The following LMBR1 variants were observed in gnomAD, a reference collection of about 807,000 sequenced individuals.
LMBR1 encodes limb region 1 protein homolog.
A neutral mutation model predicts 73.9 loss-of-function variants in LMBR1; 52 were observed. The ratio of observed to expected loss-of-function variants is 0.70; its 90% CI spans 0.56 to 0.89. The LOEUF (loss-of-function observed/expected upper bound fraction) is 0.89. LMBR1 is among the 40% of genes least tolerant of loss of function. The pLI, the probability that LMBR1 is intolerant of heterozygous loss-of-function variation, is 0.00. For missense variants in LMBR1, 539 were observed against 579.8 expected, an observed-to-expected ratio of 0.93 and a Z score of 0.72; for synonymous variants, 215 against 209.4, an observed-to-expected ratio of 1.03 and a Z score of -0.23.
intron 1 of LMBR1, among the ~76,000 whole-genome samples, chr7:156,869,628 C>A (rs993172369): frequency 6.6e-6 from 1 of 151,948 alleles, no homozygotes; most frequent in Non-Finnish European, 1.5e-5. Context: ...TAACAAAAAA[C>A]AACAAAATGG....
intron 1 of LMBR1, among the ~76,000 whole-genome samples, chr7:156,852,012 T>C (rs540902710): frequency 5.9e-5 from 9 of 152,296 alleles, no homozygotes; most frequent in African/African-American, 1.9e-4. Context: ...TCCTCCACTT[T>C]TAGATAATTA....
chr7:156,854,289 G>A (rs1302936117), intron 1 of LMBR1, among the ~76,000 whole-genome samples: 2 of 152,238 alleles, frequency 1.3e-5, no homozygotes, highest in Admixed American at 6.5e-5. Context: ...AACTGTAATT[G>A]ATGAATTACT....
chr7:156,869,949 G>GA (rs1300430188), intron 1 of LMBR1, among the ~76,000 whole-genome samples: 2 of 151,604 alleles, frequency 1.3e-5, no homozygotes, highest in Non-Finnish European at 1.5e-5. Context: ...AGAAATAAAA[G>GA]AAAAAAACAA....
chr7:156,820,292 G>A (rs576414075), intron 4 of LMBR1, among the ~76,000 whole-genome samples: 4 of 152,256 alleles, frequency 2.6e-5, no homozygotes, highest in South Asian at 4.1e-4. Context: ...ACTAGAAGCA[G>A]TTTGCTTTCA....
At chr7:156,675,719 C>T, downstream of LMBR1, 1 of 1,607,166 alleles carries the variant, frequency 6.2e-7, no homozygotes, top group Non-Finnish European at 8.5e-7. Flanking sequence ...GCCACCGCAT[C>T]CTGTGCTCAT....
chr7:156,769,178 C>T (rs1824710056), intron 5 of LMBR1, among the ~76,000 whole-genome samples: 1 of 152,086 alleles, frequency 6.6e-6, no homozygotes, highest in Non-Finnish European at 1.5e-5. Context: ...AAAAAGTCAC[C>T]TGATGCCAGG....
intron 3 of LMBR1, 129 bp downstream of exon 3, chr7:156,833,624 A>T (rs1476071559): frequency 1.5e-6 from 1 of 658,842 alleles, no homozygotes; most frequent in Non-Finnish European, 2.6e-6. Context: ...TTCTAAAATT[A>T]ATATGATAAA....
At chr7:156,745,708 A>G (rs1819725515) in intron 9 of LMBR1, among the ~76,000 whole-genome samples, 1 of 152,214 alleles carries the variant, frequency 6.6e-6, no homozygotes, top group African/African-American at 2.4e-5. Flanking sequence ...GGGAATCACA[A>G]AATTCCAGTC....
At position 156,688,075 on chromosome 7, in the gene LMBR1, G is replaced by C; in HGVS notation, c.1342C>G (p.Arg448Gly). 5 of 1,610,988 alleles carry C rather than the reference G, an allele frequency of 3.1e-6. No individual in the cohort carries two copies. The highest frequency in any genetic ancestry group is 4.2e-6 in the Non-Finnish European group (5 of 1,178,906). Residue 448 changes from arginine (R) to glycine (G), a missense_variant, in exon 16 of 17, where the codon CGA becomes GGA. Arg to Gly is a moderately radical substitution (Grantham distance 125, BLOSUM62 -2). Around this residue, in one of 3 missense-constraint regions of LMBR1, gnomAD observed 69 missense variants for 68.5 expected, o/e 1.01. Coordinates refer to ENST00000353442, the MANE Select transcript of LMBR1 (RefSeq NM_022458.4). ...FAIVTTLCLV[R>G]KFTSAVREEL... ...TCTCGAACTGCAGAGGTGAATTTTCGGACCAGACACAATGTTGTCACAATA... is the reference window on the plus strand; with the variant it reads ...TCTCGAACTGCAGAGGTGAATTTTCCGACCAGACACAATGTTGTCACAATA...
intron 4 of LMBR1, among the ~76,000 whole-genome samples, chr7:156,804,302 C>T (rs765242910): frequency 7.2e-5 from 11 of 152,150 alleles, no homozygotes; most frequent in Non-Finnish European, 1.5e-5. Context: ...CACCTGCAAA[C>T]AATCTATGTT....
intron 15 of LMBR1, among the ~76,000 whole-genome samples, chr7:156,705,844 CAA>C (rs1810807963): frequency 6.6e-6 from 1 of 151,958 alleles, no homozygotes; most frequent in Admixed American, 6.6e-5. Flanking sequence ...CACCAAACCA[CAA>C]AGAGAAATAG....
chr7:156,788,129 T>C (rs1828482625), intron 5 of LMBR1, among the ~76,000 whole-genome samples: 1 of 152,186 alleles, frequency 6.6e-6, no homozygotes, highest in African/African-American at 2.4e-5. Flanking sequence ...GCCATCCTGA[T>C]GTGCTATACG....
intron 15 of LMBR1, among the ~76,000 whole-genome samples, chr7:156,705,862 A>AAGAT (rs905169028): frequency 8.5e-5 from 13 of 152,202 alleles, no homozygotes; most frequent in African/African-American, 3.1e-4. Context: ...AATAGAGAAA[A>AAGAT]AGATAACAAA....
downstream of LMBR1, among the ~76,000 whole-genome samples, chr7:156,674,060 T>C (rs933837345): frequency 2.6e-5 from 4 of 152,244 alleles, no homozygotes; most frequent in African/African-American, 7.2e-5. Flanking sequence ...CATCCTTCTT[T>C]GTGCTTCAAG....
intron 1 of LMBR1, among the ~76,000 whole-genome samples, chr7:156,866,821 C>G (rs113942445): frequency 6.6e-6 from 1 of 152,128 alleles, no homozygotes; most frequent in Non-Finnish European, 1.5e-5. Flanking sequence ...CCAGGCTGGT[C>G]TGGAACTCCT....
chr7:156,727,218 A>G (rs1433149525), intron 12 of LMBR1, among the ~76,000 whole-genome samples: 4 of 152,238 alleles, frequency 2.6e-5, no homozygotes, highest in Non-Finnish European at 5.9e-5. Context: ...TGCTATCTCA[A>G]GAGAAGCCAT....
At chr7:156,815,626 T>A (rs1022201828) in intron 4 of LMBR1, among the ~76,000 whole-genome samples, 2 of 152,146 alleles carry the variant, frequency 1.3e-5, no homozygotes, top group African/African-American at 4.8e-5. Flanking sequence ...AAAGCTAAAC[T>A]GAGATGGGGA....
chr7:156,854,901 A>T (rs1796730012), intron 1 of LMBR1, among the ~76,000 whole-genome samples: 1 of 152,256 alleles, frequency 6.6e-6, no homozygotes, highest in Non-Finnish European at 1.5e-5. Flanking sequence ...AGGGGAAATT[A>T]TACCCTCTGA....
chr7:156,764,476 C>G (rs1394307748), intron 5 of LMBR1, among the ~76,000 whole-genome samples: 1 of 152,066 alleles, frequency 6.6e-6, no homozygotes, highest in African/African-American at 2.4e-5. Flanking sequence ...ACTTTTAAAA[C>G]TTAAAAACTG....
Sources: gnomAD v4.1 joint callset for allele counts (sites outside exome capture counted in the v4.1 genomes callset) on GRCh38, gnomAD v4.1.1 for gene constraint, gnomAD v4.1.1 regional missense constraint, MANE v1.5 for transcripts, NCBI Gene and HGNC (gene_info 2026-07-23, HGNC 2026-07-21) for gene names.